DSCAM: variants seen among roughly 807,000 people sequenced by gnomAD.
DSCAM encodes DS cell adhesion molecule.
In DSCAM, 47 loss-of-function variants were observed where a neutral mutation model predicts 217.7. The ratio of observed to expected loss-of-function variants is 0.22; its 90% CI spans 0.17 to 0.28. The LOEUF (loss-of-function observed/expected upper bound fraction) is 0.28. Among genes scored for constraint, DSCAM ranks in the 10% least tolerant of loss-of-function variants. The pLI is 1.00. For missense variants in DSCAM, 2,080 were observed against 2,618.3 expected (o/e 0.79, Z 4.49); for synonymous variants, 1,056 against 1,015.3 (o/e 1.04, Z -0.76).
At chr21:40,833,399 G>A (rs2092028156) in intron 1 of DSCAM, among the ~76,000 whole-genome samples, 2 of 152,188 alleles carry the variant, frequency 1.3e-5, no homozygotes, top group African/African-American at 4.8e-5. Context: ...AGGAAAAACA[G>A]GCCTCCGCCA....
At chr21:40,456,697 A>T (rs78776366) in intron 3 of DSCAM, among the ~76,000 whole-genome samples, 3,508 of 120,186 alleles carry the variant, frequency 0.029, 157 homozygotes, top group African/African-American at 0.097. Context: ...CAATACAAAA[A>T]TTATTGTGAA....
rs1362263702 is a variant in DSCAM at position 40,084,877 on chromosome 21, C to T, written c.4132+725G>A. Among the ~76,000 whole-genome samples the T allele has an allele frequency of 2.8e-5, 4 of 145,234 alleles. No individual in the cohort carries two copies. The East Asian group carries it at 6.1e-4, about 22-fold the overall frequency. Reference sequence around the variant, plus strand: ...TTGCAGCATTTTTAGAAATATAGTTCTTTTCCTTTCCTTCCATCCCACCGA... The same window carrying T: ...TTGCAGCATTTTTAGAAATATAGTTTTTTTCCTTTCCTTCCATCCCACCGA... On this transcript the variant is annotated intron_variant, in intron 23 of 32. Transcript: ENST00000400454.
chr21:40,309,219 T>A (rs1211953788), intron 9 of DSCAM, among the ~76,000 whole-genome samples: 1 of 152,204 alleles, frequency 6.6e-6, no homozygotes, highest in East Asian at 1.9e-4. Flanking sequence ...TTCCTGCACA[T>A]TGACCTTCTT....
chr21:40,352,799 T>TG (rs2074646875), intron 5 of DSCAM, among the ~76,000 whole-genome samples: 1 of 152,074 alleles, frequency 6.6e-6, no homozygotes, highest in Non-Finnish European at 1.5e-5. Flanking sequence ...AAATTGAGGG[T>TG]GGTTGAGTAG....
intron 1 of DSCAM, among the ~76,000 whole-genome samples, chr21:40,812,435 CCT>C (rs1005262359): frequency 1.3e-5 from 2 of 152,138 alleles, no homozygotes; most frequent in Non-Finnish European, 2.9e-5. Flanking sequence ...GACAGTGACC[CCT>C]GAGCCACAGC....
chr21:40,030,019 CACAT>C (rs1380996565), intron 32 of DSCAM, among the ~76,000 whole-genome samples: 13 of 152,250 alleles, frequency 8.5e-5, no homozygotes, highest in African/African-American at 2.9e-4. Flanking sequence ...CATGCGTGCA[CACAT>C]ACACATTCAC....
Position 40,339,233 on chromosome 21 carries a change from C to T in DSCAM, c.1393G>A (p.Val465Met), listed in dbSNP as rs368138263. Residue 465 changes from valine (V) to methionine (M), a missense_variant, in exon 7 of 33, where the codon GTG becomes ATG. By Grantham distance (21) the Val-to-Met change is conservative (BLOSUM62 1). This residue lies in a region of DSCAM where 568 missense variants were observed against 678.1 expected (regional missense o/e 0.84). Transcript: ENST00000400454. ...ISQMITSEGN[V>M]VSYLNISSSQ... Reference sequence around the variant, plus strand: ...CTGGAGATGTTCAGGTAGCTGACCACGTTCCCCTCCGACGTGATCATCTGG... The same window carrying T: ...CTGGAGATGTTCAGGTAGCTGACCATGTTCCCCTCCGACGTGATCATCTGG... 3.1e-6 allele frequency: 5 copies of T among 1,614,074 alleles called. No individual in the cohort carries two copies. The highest frequency in any genetic ancestry group is 4.2e-6 in the Non-Finnish European group (5 of 1,180,044).
At chr21:40,766,669 CAAAAAA>C (rs34935219) in intron 1 of DSCAM, among the ~76,000 whole-genome samples, 8 of 66,638 alleles carry the variant, frequency 1.2e-4, no homozygotes, top group South Asian at 1.7e-3. Context: ...ACAACAATTC[CAAAAAA>C]AAAAAAAAAA....
intron 29 of DSCAM, 75 bp downstream of exon 29, chr21:40,055,650 A>G (rs2089003612): frequency 1.8e-6 from 2 of 1,102,348 alleles, no homozygotes; most frequent in African/African-American, 3.1e-5. Flanking sequence ...AATATTTCCC[A>G]CATCCTGGGG....
intron 3 of DSCAM, among the ~76,000 whole-genome samples, chr21:40,626,660 C>G (rs999817736): frequency 6.6e-6 from 1 of 152,168 alleles, no homozygotes; most frequent in Non-Finnish European, 1.5e-5. Flanking sequence ...TTATGTGGCT[C>G]GTTCTTTCCC....
intron 1 of DSCAM, among the ~76,000 whole-genome samples, chr21:40,779,967 C>A (rs1044263767): frequency 6.6e-6 from 1 of 152,192 alleles, no homozygotes; most frequent in African/African-American, 2.4e-5. Context: ...AAACAGACAC[C>A]TGATGTACAG....
intron 3 of DSCAM, among the ~76,000 whole-genome samples, chr21:40,603,757 C>T (rs372836372): frequency 2.6e-5 from 4 of 152,034 alleles, no homozygotes; most frequent in East Asian, 3.9e-4. Context: ...GTACATTTCA[C>T]TCCACTCTCT....
intron 11 of DSCAM, among the ~76,000 whole-genome samples, chr21:40,272,187 A>G (rs2073627210): frequency 6.6e-6 from 1 of 152,008 alleles, no homozygotes; most frequent in African/African-American, 2.4e-5. Flanking sequence ...CCTGGAGCAT[A>G]GGGCAGGATG....
intron 3 of DSCAM, among the ~76,000 whole-genome samples, chr21:40,489,992 A>G (rs1406729469): frequency 6.6e-6 from 1 of 152,134 alleles, no homozygotes; most frequent in Non-Finnish European, 1.5e-5. Flanking sequence ...TAAAGGCAAG[A>G]GGTTTAACTG....
In DSCAM at chr21:40,369,181, T is replaced by C. The variant is rs1022623143; in HGVS notation, c.573A>G (p.Gly191=). Reference sequence around the variant, plus strand: ...GCGTGATGCAGCGGTAGTTATACAATCCATCTTCATTCTGTACATCTTTAA... The same window carrying C: ...GCGTGATGCAGCGGTAGTTATACAACCCATCTTCATTCTGTACATCTTTAA... ...LYIKDVQNED[G]LYNYRCITRH... is the part of the protein sequence containing the mutation. The change falls in exon 4 of 33, where the codon GGA becomes GGG. Residue 191 remains glycine (G), a synonymous_variant. Transcript: ENST00000400454. 1.2e-6 allele frequency: 2 copies of C among 1,613,436 alleles called. No homozygotes were observed. The highest frequency in any genetic ancestry group is 1.7e-6 in the Non-Finnish European group (2 of 1,179,694).
chr21:40,433,762 G>C (rs550466311), intron 3 of DSCAM, among the ~76,000 whole-genome samples: 1 of 152,278 alleles, frequency 6.6e-6, no homozygotes, highest in East Asian at 1.9e-4. Flanking sequence ...ACCTGAGGTA[G>C]ATGATGTCAC....
chr21:40,790,188 T>C (rs1056017865), intron 1 of DSCAM, among the ~76,000 whole-genome samples: 6 of 143,324 alleles, frequency 4.2e-5, no homozygotes, highest in Admixed American at 1.4e-4. Flanking sequence ...TTCTTTTTTT[T>C]TTTTTTTTTT....
At chr21:40,841,575 A>T (rs1271489884) in intron 1 of DSCAM, among the ~76,000 whole-genome samples, 1 of 152,112 alleles carries the variant, frequency 6.6e-6, no homozygotes, top group Admixed American at 6.5e-5. Flanking sequence ...GGGAGAGGGA[A>T]GGGGGCTCCC....
rs35339524 is a variant in DSCAM, at chr21:40,175,780, T to TACACAC, written c.2947+3141_2947+3146dup. On this transcript the variant is annotated intron_variant, in intron 15 of 32. Coordinates refer to ENST00000400454, the MANE Select transcript of DSCAM (RefSeq NM_001389.5). ...AGCATATATTTTCTCAACACACACA[T>TACACAC]ACACACACACACACACACACACACA... Among the ~76,000 whole-genome samples the TACACAC allele has an allele frequency of 3.9e-3, 565 of 144,940 alleles. 5 individuals are homozygous for TACACAC. Among genetic ancestry groups the TACACAC allele is most frequent in the African/African-American group, 7.4e-3 (287 of 38,620 alleles).
Sources: gnomAD v4.1 joint callset for allele counts (sites outside exome capture counted in the v4.1 genomes callset) on GRCh38, gnomAD v4.1.1 for gene constraint, gnomAD v4.1.1 regional missense constraint, MANE v1.5 for transcripts, NCBI Gene and HGNC (gene_info 2026-07-23, HGNC 2026-07-21) for gene names.